DLG2: variants seen among roughly 807,000 people sequenced by gnomAD.
DLG2 encodes discs large MAGUK scaffold protein 2.
Under a neutral mutation model 132.5 loss-of-function variants are expected in DLG2, and 45 were observed. The ratio of observed to expected loss-of-function variants is 0.34; its 90% confidence interval spans 0.27 to 0.44. The LOEUF is 0.44. DLG2 is among the 20% of genes least tolerant of loss of function. The probability of loss-of-function intolerance (pLI) is 1.00; values close to 1 mark genes in which losing one functional copy is unlikely to be tolerated. For missense variants in DLG2, 1,045 were observed against 1,196.9 expected (o/e 0.87, Z 1.87); for synonymous variants, 424 against 419.6 (o/e 1.01, Z -0.13).
intron 6 of DLG2, among the ~76,000 whole-genome samples, chr11:84,799,374 T>C (rs1377457904): frequency 1.3e-5 from 2 of 152,178 alleles, no homozygotes; most frequent in Non-Finnish European, 2.9e-5. Flanking sequence ...GATTCTCTCT[T>C]GGCACCATGC....
intron 7 of DLG2, among the ~76,000 whole-genome samples, chr11:84,469,143 T>C (rs2099102048): frequency 6.6e-6 from 1 of 151,626 alleles, no homozygotes; most frequent in Non-Finnish European, 1.5e-5. Flanking sequence ...CTATCTTCAA[T>C]GGACCTAAAA....
intron 6 of DLG2, among the ~76,000 whole-genome samples, chr11:84,845,675 C>T (rs1453617157): frequency 6.9e-6 from 1 of 144,716 alleles, no homozygotes; most frequent in African/African-American, 2.6e-5. Flanking sequence ...ATTCTGTGAT[C>T]GTCACTCTTT....
At chr11:84,655,412 G>A (rs1021817683) in intron 6 of DLG2, among the ~76,000 whole-genome samples, 10 of 152,052 alleles carry the variant, frequency 6.6e-5, no homozygotes, top group African/African-American at 2.4e-4. Flanking sequence ...AATCTCCTTC[G>A]AGCCAAGAGT....
chr11:84,761,235 C>T (rs757446604), intron 6 of DLG2, among the ~76,000 whole-genome samples: 1 of 152,198 alleles, frequency 6.6e-6, no homozygotes, highest in Non-Finnish European at 1.5e-5. Flanking sequence ...TGAAGCAATG[C>T]ATTTTTACCC....
At chr11:83,506,670 T>G (rs2094717779) in intron 21 of DLG2, among the ~76,000 whole-genome samples, 1 of 152,186 alleles carries the variant, frequency 6.6e-6, no homozygotes, top group Non-Finnish European at 1.5e-5. Context: ...TGGGAGGGGA[T>G]GTTGACACTA....
chr11:85,176,610 A>C (rs2079265535), intron 4 of DLG2, among the ~76,000 whole-genome samples: 1 of 152,232 alleles, frequency 6.6e-6, no homozygotes, highest in Non-Finnish European at 1.5e-5. Flanking sequence ...AAAATTGACA[A>C]ATGGGATCTA....
At chr11:84,806,048 T>C (rs192888969) in intron 6 of DLG2, among the ~76,000 whole-genome samples, 2 of 152,148 alleles carry the variant, frequency 1.3e-5, no homozygotes, top group Non-Finnish European at 2.9e-5. Context: ...TGAAATACCA[T>C]ACAAAACTCC....
chr11:85,475,693 G>A (rs1043295628), intron 3 of DLG2, among the ~76,000 whole-genome samples: 8 of 151,946 alleles, frequency 5.3e-5, no homozygotes, highest in Admixed American at 1.3e-4. Context: ...TTACAACAAC[G>A]TCTGATGTAT....
chr11:84,377,854 C>A (rs577663611), intron 7 of DLG2, among the ~76,000 whole-genome samples: 90 of 152,246 alleles, frequency 5.9e-4, no homozygotes, highest in Middle Eastern at 3.4e-3. Context: ...AATACTGAAG[C>A]CACCAGCTTC....
chr11:85,449,934 C>A (rs943930818), intron 3 of DLG2, among the ~76,000 whole-genome samples: 2 of 151,998 alleles, frequency 1.3e-5, no homozygotes, highest in Non-Finnish European at 2.9e-5. Context: ...TCGAGACCAG[C>A]CTGACCAACA....
At chr11:85,511,724 C>T (rs914506262) in intron 3 of DLG2, among the ~76,000 whole-genome samples, 2 of 146,510 alleles carry the variant, frequency 1.4e-5, no homozygotes, top group Non-Finnish European at 1.5e-5. Flanking sequence ...TTTGAAGTTT[C>T]TTTTTTTTTT....
At chr11:85,059,718 T>C (rs549609285) in intron 6 of DLG2, among the ~76,000 whole-genome samples, 1 of 151,758 alleles carries the variant, frequency 6.6e-6, no homozygotes, top group East Asian at 1.9e-4. Context: ...AACTAATTTG[T>C]CATGATAAAA....
At chr11:85,173,878 G>A (rs2079041798) in intron 4 of DLG2, among the ~76,000 whole-genome samples, 1 of 151,998 alleles carries the variant, frequency 6.6e-6, no homozygotes, top group African/African-American at 2.4e-5. Flanking sequence ...ATAAAGAAGG[G>A]CGTTACACAA....
At chr11:83,584,645 G>A (rs751177159) in intron 19 of DLG2, among the ~76,000 whole-genome samples, 2 of 152,194 alleles carry the variant, frequency 1.3e-5, no homozygotes, top group East Asian at 3.8e-4. Context: ...AAAAATTAGA[G>A]ATAATAGAAA....
At chr11:84,541,870 G>T (rs2099373108) in intron 6 of DLG2, among the ~76,000 whole-genome samples, 1 of 152,114 alleles carries the variant, frequency 6.6e-6, no homozygotes. Flanking sequence ...AGTACATTCT[G>T]CTGATGCTTG....
intron 3 of DLG2, among the ~76,000 whole-genome samples, chr11:85,571,149 G>T (rs1363147546): frequency 6.6e-6 from 1 of 151,680 alleles, no homozygotes; most frequent in Non-Finnish European, 1.5e-5. Flanking sequence ...CCTGTGCATG[G>T]GCCATGCTTT....
intron 7 of DLG2, among the ~76,000 whole-genome samples, chr11:84,490,526 G>A (rs771579502): frequency 7.3e-5 from 11 of 151,672 alleles, no homozygotes; most frequent in Non-Finnish European, 1.5e-4. Flanking sequence ...CATAGGTCTT[G>A]ATGACTCTCA....
intron 7 of DLG2, among the ~76,000 whole-genome samples, chr11:84,321,761 T>G (rs1006826153): frequency 3.9e-5 from 6 of 152,166 alleles, no homozygotes; most frequent in Admixed American, 3.9e-4. Flanking sequence ...AAGCTTCTAG[T>G]CTTTACTTCC....
At chr11:84,938,897 G>C (rs961122541) in intron 6 of DLG2, among the ~76,000 whole-genome samples, 11 of 152,098 alleles carry the variant, frequency 7.2e-5, no homozygotes, top group Non-Finnish European at 1.6e-4. Flanking sequence ...ATAACCCTTT[G>C]TGTGCACATG....
Sources: allele counts gnomAD v4.1 joint callset (sites outside exome capture counted in the v4.1 genomes callset), GRCh38; gene constraint gnomAD v4.1.1; transcripts MANE v1.5; gene names NCBI Gene and HGNC (gene_info 2026-07-23, HGNC 2026-07-21).